SPIRE1: variants seen among roughly 807,000 people sequenced by gnomAD.
The protein encoded by SPIRE1 is spire type actin nucleation factor 1, also known as protein spire homolog 1.
SPIRE1 carries 40 observed loss-of-function variants against 94.1 expected under a neutral mutation model. That is an observed-to-expected ratio of 0.43 (90% CI 0.33 to 0.55). The LOEUF (loss-of-function observed/expected upper bound fraction) is 0.55. Among genes scored for constraint, SPIRE1 ranks in the 20% least tolerant of loss-of-function variants. SPIRE1 has a pLI of 0.06. For missense variants in SPIRE1, 838 were observed against 975.2 expected (o/e 0.86, Z 1.87); for synonymous variants, 376 against 371.7 (o/e 1.01, Z -0.13).
intron 2 of SPIRE1, among the ~76,000 whole-genome samples, chr18:12,573,763 G>A (rs1001149590): frequency 4.6e-5 from 7 of 151,052 alleles, no homozygotes; most frequent in African/African-American, 1.5e-4. Flanking sequence ...CCTTTGAGAC[G>A]GAGTTTTGCT....
At chr18:12,451,893 C>G (rs990535791) in intron 16 of SPIRE1, among the ~76,000 whole-genome samples, 3 of 152,154 alleles carry the variant, frequency 2.0e-5, no homozygotes, top group Non-Finnish European at 2.9e-5. Context: ...CAGGATTAAA[C>G]AGATTCCTTT....
At position 12,454,343 on chromosome 18, in the gene SPIRE1, T is replaced by G; in HGVS notation, c.1776+3A>C. ...CTGATCAATCAACTTTAAACAGCAC[T>G]ACCTTTCCTTTTTTCAAGGCGGTGT... On this transcript the variant is annotated splice_donor_region_variant and intron_variant, in intron 13 of 16. Coordinates refer to ENST00000409402, the MANE Select transcript of SPIRE1 (RefSeq NM_001128626.2). 1 of 1,614,118 alleles carries G rather than the reference T, an allele frequency of 6.2e-7. No homozygotes were observed. The highest frequency in any genetic ancestry group is 8.5e-7 in the Non-Finnish European group (1 of 1,179,984).
chr18:12,592,192 A>C (rs1438191949), intron 2 of SPIRE1, among the ~76,000 whole-genome samples: 1 of 152,106 alleles, frequency 6.6e-6, no homozygotes, highest in Non-Finnish European at 1.5e-5. Flanking sequence ...CCTGGATTTG[A>C]GTTTGAGTCT....
chr18:12,524,534 A>C (rs777222462), intron 4 of SPIRE1, among the ~76,000 whole-genome samples: 4 of 152,242 alleles, frequency 2.6e-5, no homozygotes, highest in Non-Finnish European at 4.4e-5. Flanking sequence ...TGGGAAATGA[A>C]AGATCAAAGA....
intron 2 of SPIRE1, among the ~76,000 whole-genome samples, chr18:12,628,951 T>TA (rs1195472073): frequency 2.6e-5 from 4 of 152,222 alleles, no homozygotes; most frequent in Admixed American, 2.6e-4. Flanking sequence ...TACATGAACT[T>TA]TATTTCTGAG....
intron 2 of SPIRE1, among the ~76,000 whole-genome samples, chr18:12,585,728 G>A (rs1412962274): frequency 6.6e-6 from 1 of 151,836 alleles, no homozygotes; most frequent in Non-Finnish European, 1.5e-5. Flanking sequence ...GATTAAAAAA[G>A]GTATGTTGCA....
At chr18:12,657,054 G>A (rs909097323) in intron 1 of SPIRE1, among the ~76,000 whole-genome samples, 4 of 152,254 alleles carry the variant, frequency 2.6e-5, no homozygotes, top group African/African-American at 9.6e-5. Context: ...CCCGTGAGGA[G>A]TGCGGTGTTT....
intron 2 of SPIRE1, among the ~76,000 whole-genome samples, chr18:12,626,683 T>C (rs28414067): frequency 0.39 from 58,926 of 151,606 alleles, 12,139 homozygotes; most frequent in East Asian, 0.6. Flanking sequence ...AAGACAAATA[T>C]ATGAAAAGTA....
At chr18:12,585,559 C>T (rs1374160017) in intron 2 of SPIRE1, among the ~76,000 whole-genome samples, 1 of 152,022 alleles carries the variant, frequency 6.6e-6, no homozygotes, top group East Asian at 1.9e-4. Flanking sequence ...AATAACTGTA[C>T]CTGCTTCATA....
intron 4 of SPIRE1, among the ~76,000 whole-genome samples, chr18:12,519,489 C>T (rs2034299348): frequency 6.6e-6 from 1 of 152,206 alleles, no homozygotes; most frequent in Non-Finnish European, 1.5e-5. Context: ...AATACACATT[C>T]ACCTTTTCTG....
chr18:12,515,095 C>A (rs1244036711), intron 4 of SPIRE1, among the ~76,000 whole-genome samples: 1 of 152,118 alleles, frequency 6.6e-6, no homozygotes, highest in Non-Finnish European at 1.5e-5. Flanking sequence ...CCCTTGTCAC[C>A]CAAAGGCTGA....
chr18:12,487,123 G>A (rs962623372), intron 8 of SPIRE1, among the ~76,000 whole-genome samples: 4 of 152,170 alleles, frequency 2.6e-5, no homozygotes, highest in African/African-American at 9.7e-5. Context: ...AAAATGTTGG[G>A]ATTACAGGCA....
intron 6 of SPIRE1, among the ~76,000 whole-genome samples, chr18:12,501,345 T>C (rs1159197965): frequency 6.6e-6 from 1 of 152,066 alleles, no homozygotes; most frequent in South Asian, 2.1e-4. Flanking sequence ...CATGGGTATA[T>C]ATAATAAAAA....
At chr18:12,526,327 T>G (rs1197537174) in intron 4 of SPIRE1, among the ~76,000 whole-genome samples, 2 of 152,202 alleles carry the variant, frequency 1.3e-5, no homozygotes, top group African/African-American at 4.8e-5. Flanking sequence ...ACATTTTCCA[T>G]CCACTATTTT....
rs1403653536 is a variant in SPIRE1 at position 12,544,453 on chromosome 18, C to G, written c.603+2221G>C. ...TCTTGGCCTCAAGTGATCCACCTGC[C>G]TCGGCCTCCCAAAATGCTGGGATTA... On this transcript the variant is annotated intron_variant, in intron 3 of 16. Transcript: ENST00000409402. Among the ~76,000 whole-genome samples the G allele has an allele frequency of 3.3e-5, 5 of 152,012 alleles. 1 individual carries two copies. The South Asian group carries it at 1.0e-3, about 32-fold the overall frequency.
rs16939655 is a variant in SPIRE1, at chr18:12,524,364, T to A, written c.729+11112A>T. On this transcript the variant is annotated intron_variant, in intron 4 of 16. Transcript: ENST00000409402. ...GTAAGATTTAACCATTCAGAAGAATTTGGCCGATGAGGTTTAAACCAAAAT... is the reference window on the plus strand; with the variant it reads ...GTAAGATTTAACCATTCAGAAGAATATGGCCGATGAGGTTTAAACCAAAAT... 4.0e-3 allele frequency among the ~76,000 whole-genome samples: 612 copies of A among 152,294 alleles called. 20 individuals are homozygous for A. In the East Asian group the frequency reaches 0.069, roughly 17 times the overall value.
At chr18:12,545,566 T>C (rs972881348) in intron 3 of SPIRE1, among the ~76,000 whole-genome samples, 12 of 152,220 alleles carry the variant, frequency 7.9e-5, no homozygotes, top group Admixed American at 3.3e-4. Flanking sequence ...AGAATGCTTT[T>C]ATGGCTAATT....
At chr18:12,465,533 T>G (rs141766797) in intron 10 of SPIRE1, among the ~76,000 whole-genome samples, 6 of 152,338 alleles carry the variant, frequency 3.9e-5, no homozygotes, top group Non-Finnish European at 7.3e-5. Context: ...ATTGGAAAGA[T>G]GAAATGAGGT....
chr18:12,572,119 T>C (rs760089962), intron 2 of SPIRE1, among the ~76,000 whole-genome samples: 36 of 151,882 alleles, frequency 2.4e-4, no homozygotes, highest in Non-Finnish European at 1.0e-4. Flanking sequence ...AAGAAGAACA[T>C]GGAATGACTG....
Sources: gnomAD v4.1 joint callset for allele counts (sites outside exome capture counted in the v4.1 genomes callset) on GRCh38, gnomAD v4.1.1 for gene constraint, MANE v1.5 for transcripts, NCBI Gene and HGNC (gene_info 2026-07-23, HGNC 2026-07-21) for gene names.